Variants in ODAD2 observed in about 807,000 individuals in gnomAD.
ODAD2 encodes the protein outer dynein arm-docking complex subunit 2.
Under a neutral mutation model 106.8 loss-of-function variants are expected in ODAD2, and 89 were observed. The ratio of observed to expected loss-of-function variants is 0.83; its 90% confidence interval spans 0.70 to 0.99. The LOEUF is 0.99. ODAD2 is among the 50% of genes least tolerant of loss of function. The pLI is 0.00. For synonymous variants in ODAD2, 404 were observed against 436.2 expected (o/e 0.93, Z 0.92); for missense variants, 1,168 against 1,238.5 (o/e 0.94, Z 0.85).
Position 27,935,306 on chromosome 10 carries a change from A to C in ODAD2, c.2253-54T>G, listed in dbSNP as rs975722163. 1.9e-6 allele frequency: 3 copies of C among 1,597,102 alleles called. No homozygotes were observed. In the African/African-American group the frequency reaches 4.0e-5, roughly 21 times the overall value. ...TGGTTTTTGTATAAGGTTTGCTAAA[A>C]ATTACTAAATGTTCATTCAATCCTT... On this transcript the variant is annotated intron_variant, in intron 15 of 19. Coordinates refer to ENST00000305242, the MANE Select transcript of ODAD2 (RefSeq NM_018076.5).
intron 17 of ODAD2, among the ~76,000 whole-genome samples, chr10:27,898,028 A>C (rs1200253491): frequency 6.6e-6 from 1 of 152,210 alleles, no homozygotes; most frequent in Non-Finnish European, 1.5e-5. Context: ...CCAATAATAG[A>C]TAATTAGATT....
chr10:27,846,060 G>A (rs1838724928), intron 19 of ODAD2, among the ~76,000 whole-genome samples: 1 of 152,156 alleles, frequency 6.6e-6, no homozygotes, highest in Non-Finnish European at 1.5e-5. Context: ...ACTCAGCTCT[G>A]CACCAAGTGG....
intron 17 of ODAD2, among the ~76,000 whole-genome samples, chr10:27,873,963 G>C (rs1841117005): frequency 6.6e-6 from 1 of 152,182 alleles, no homozygotes; most frequent in Non-Finnish European, 1.5e-5. Flanking sequence ...GGGTGTTAAA[G>C]TCTCCCATTA....
intron 19 of ODAD2, among the ~76,000 whole-genome samples, chr10:27,856,733 G>A (rs1048576446): frequency 1.5e-4 from 23 of 152,078 alleles, no homozygotes; most frequent in Non-Finnish European, 2.8e-4. Context: ...TACAAAGGCC[G>A]AGGTGGGTGG....
chr10:27,955,342 A>G (rs1847650300), intron 10 of ODAD2, among the ~76,000 whole-genome samples: 1 of 152,104 alleles, frequency 6.6e-6, no homozygotes, highest in African/African-American at 2.4e-5. Context: ...TCTCACTCGA[A>G]TGAAGAAATC....
chr10:27,962,785 G>A (rs1301503999), intron 9 of ODAD2, among the ~76,000 whole-genome samples: 1 of 152,072 alleles, frequency 6.6e-6, no homozygotes, highest in Non-Finnish European at 1.5e-5. Context: ...ACCGCCGGAT[G>A]CCAGGTTACT....
At chr10:27,885,669 T>C (rs1428707275) in intron 17 of ODAD2, among the ~76,000 whole-genome samples, 1 of 34,542 alleles carries the variant, frequency 2.9e-5, no homozygotes, top group South Asian at 9.1e-4. Flanking sequence ...ATATTATATA[T>C]AAAATATATA....
At chr10:27,939,371 C>T (rs1455178137) in intron 14 of ODAD2, among the ~76,000 whole-genome samples, 1 of 151,906 alleles carries the variant, frequency 6.6e-6, no homozygotes, top group East Asian at 2.0e-4. Context: ...TCTGCCATTA[C>T]CACAGGACAA....
At chr10:27,871,670 G>A (rs1266454469) in intron 17 of ODAD2, among the ~76,000 whole-genome samples, 6 of 152,150 alleles carry the variant, frequency 3.9e-5, no homozygotes, top group African/African-American at 1.4e-4. Flanking sequence ...GGTTGTAGAT[G>A]TGTGGTATTA....
intron 16 of ODAD2, 51 bp downstream of exon 16, chr10:27,934,959 G>C: frequency 2.5e-6 from 4 of 1,603,372 alleles, no homozygotes; most frequent in Non-Finnish European, 3.4e-6. Context: ...GACCTCCCAA[G>C]TGTTCTCCCT....
chr10:27,931,595 T>C (rs1590056001), intron 16 of ODAD2, among the ~76,000 whole-genome samples: 1 of 151,732 alleles, frequency 6.6e-6, no homozygotes, highest in Admixed American at 6.6e-5. Flanking sequence ...ATTCAGAATA[T>C]GAAAAGAATA....
At chr10:27,852,441 T>C (rs1016339558) in intron 19 of ODAD2, among the ~76,000 whole-genome samples, 1 of 152,252 alleles carries the variant, frequency 6.6e-6, no homozygotes, top group African/African-American at 2.4e-5. Context: ...ATTATATGTT[T>C]ATATGTATAA....
intron 12 of ODAD2, among the ~76,000 whole-genome samples, chr10:27,941,360 G>A (rs1347107222): frequency 3.3e-5 from 5 of 151,084 alleles, no homozygotes; most frequent in Non-Finnish European, 5.9e-5. Flanking sequence ...TGGTGCATGT[G>A]TGTAGTCCCA....
chr10:27,846,995 C>T (rs56197094), intron 19 of ODAD2, among the ~76,000 whole-genome samples: 251 of 152,276 alleles, frequency 1.6e-3, no homozygotes, highest in African/African-American at 5.9e-3. Flanking sequence ...ACCAGAAGTA[C>T]AAGGAGGAGC....
At chr10:27,959,005 T>C (rs1334594200) in intron 10 of ODAD2, 1 of 1,302,882 alleles carries the variant, frequency 7.7e-7, no homozygotes, top group South Asian at 1.2e-5. Flanking sequence ...CCGGGACTCT[T>C]GGGAAAAACT....
At chr10:27,889,490 T>G (rs2368269) in intron 17 of ODAD2, among the ~76,000 whole-genome samples, 104,833 of 151,992 alleles carry the variant, frequency 0.69, 36,319 homozygotes, top group Middle Eastern at 0.75. Context: ...GAAAGCTGGG[T>G]GGCCAGGCTG....
intron 17 of ODAD2, among the ~76,000 whole-genome samples, chr10:27,878,712 TGTC>T (rs773749633): frequency 6.6e-6 from 1 of 152,156 alleles, no homozygotes; most frequent in South Asian, 2.1e-4. Flanking sequence ...GGGCAAATCT[TGTC>T]GTCAAAAGTA....
At chr10:27,936,924 T>C (rs929227869) in intron 14 of ODAD2, 44 bp from the exon 15 acceptor site, 3 of 1,551,184 alleles carry the variant, frequency 1.9e-6, no homozygotes, top group South Asian at 1.2e-5. Context: ...TCAAGGAATA[T>C]CAAGCTTTCA....
Position 27,935,252 on chromosome 10 carries a change from C to A in ODAD2, c.2253G>T (p.Lys751Asn). 1 of 1,613,366 alleles carries A rather than the reference C, an allele frequency of 6.2e-7. No homozygotes were observed. The highest frequency in any genetic ancestry group is 8.5e-7 in the Non-Finnish European group (1 of 1,179,516). ...TTTCAATGGCTTTGTATTCCCGAAA[C>A]CTAAGTTCATCATAAGAAAGAGGAG... The part of the protein sequence containing the change: ...KCSISKENVT[K>N]FREYKAIETL... Residue 751 changes from lysine to asparagine, a missense_variant and splice_region_variant, in exon 16 of 20, where the codon AAG becomes AAT. By Grantham distance (94) the Lys-to-Asn change is moderately conservative (BLOSUM62 0). Around this residue, in one of 3 missense-constraint regions of ODAD2, gnomAD observed 701 missense variants for 712.3 expected, o/e 0.98. Coordinates refer to ENST00000305242, the MANE Select transcript of ODAD2 (RefSeq NM_018076.5).
Sources: allele counts gnomAD v4.1 joint callset (sites outside exome capture counted in the v4.1 genomes callset), GRCh38; gene constraint gnomAD v4.1.1; regional missense constraint gnomAD v4.1.1; transcripts MANE v1.5; gene names NCBI Gene and HGNC (gene_info 2026-07-23, HGNC 2026-07-21).